The following UTP20 variants were observed in gnomAD, a reference collection of about 807,000 sequenced individuals.
UTP20 encodes UTP20 small subunit processome component.
In UTP20, 164 loss-of-function variants were observed where a neutral mutation model predicts 329.5. That is an observed-to-expected ratio of 0.50 (90% CI 0.44 to 0.57). UTP20 has a LOEUF of 0.57. UTP20 is among the 20% of genes least tolerant of loss of function. The pLI is 0.00. For missense variants in UTP20, 3,055 were observed against 3,284.2 expected (o/e 0.93, Z 1.71); for synonymous variants, 1,151 against 1,159.3 (o/e 0.99, Z 0.14).
intron 45 of UTP20, among the ~76,000 whole-genome samples, chr12:101,365,070 GA>G (rs1457880474): frequency 2.1e-5 from 3 of 139,990 alleles, no homozygotes; most frequent in African/African-American, 8.2e-5. Flanking sequence ...ACATTTTGTT[GA>G]TTGTGTGTGT....
At chr12:101,373,974 G>A (rs1366781145) in intron 54 of UTP20, among the ~76,000 whole-genome samples, 9 of 152,282 alleles carry the variant, frequency 5.9e-5, no homozygotes, top group South Asian at 4.2e-4. Flanking sequence ...GGTGGCTCAC[G>A]CCTGTAATCC....
intron 47 of UTP20, among the ~76,000 whole-genome samples, chr12:101,367,155 C>T (rs1032343533): frequency 2.6e-5 from 4 of 151,864 alleles, no homozygotes; most frequent in East Asian, 1.9e-4. Context: ...CATGATGGCA[C>T]GTACCTGTAG....
At chr12:101,365,841 T>C (rs535529981) in intron 46 of UTP20, among the ~76,000 whole-genome samples, 44 of 152,360 alleles carry the variant, frequency 2.9e-4, no homozygotes, top group Middle Eastern at 3.4e-3. Context: ...TCTGATACCA[T>C]TTTTTAAAAA....
intron 15 of UTP20, among the ~76,000 whole-genome samples, chr12:101,304,413 A>T (rs550323644): frequency 6.6e-6 from 1 of 152,372 alleles, no homozygotes; most frequent in South Asian, 2.1e-4. Flanking sequence ...GTAATAAACA[A>T]TTGCATTGAT....
intron 22 of UTP20, among the ~76,000 whole-genome samples, chr12:101,318,168 ACT>A (rs1306371687): frequency 6.6e-6 from 1 of 151,654 alleles, no homozygotes; most frequent in African/African-American, 2.4e-5. Context: ...CTGTTGTTAT[ACT>A]CTCTTTCTTA....
intron 25 of UTP20, 21 bp downstream of exon 25, chr12:101,321,650 C>A: frequency 6.2e-7 from 1 of 1,607,572 alleles, no homozygotes; most frequent in Non-Finnish European, 8.5e-7. Flanking sequence ...TGTTCAAACA[C>A]TGATTTTTAA....
chr12:101,325,994 A>G (rs1008333923), intron 25 of UTP20, among the ~76,000 whole-genome samples: 1 of 152,260 alleles, frequency 6.6e-6, no homozygotes, highest in African/African-American at 2.4e-5. Context: ...ACATTTCTGC[A>G]TAACTTAGTA....
intron 4 of UTP20, among the ~76,000 whole-genome samples, chr12:101,286,114 T>G (rs1283316843): frequency 1.3e-5 from 2 of 152,226 alleles, no homozygotes; most frequent in Non-Finnish European, 2.9e-5. Context: ...TAGGAACAGT[T>G]GGCTACAACT....
At chr12:101,329,199 T>TA in intron 26 of UTP20, 42 bp from the exon 27 acceptor site, 1 of 1,513,914 alleles carries the variant, frequency 6.6e-7, no homozygotes, top group South Asian at 1.1e-5. Flanking sequence ...AACAAACTAA[T>TA]ATGTTACCTT....
At chr12:101,334,277 ACTTTTT>A (rs1868862790) in intron 28 of UTP20, 142 bp from the exon 29 acceptor site, 5 of 631,728 alleles carry the variant, frequency 7.9e-6, no homozygotes, top group Non-Finnish European at 1.3e-5. Flanking sequence ...ATCTCTTTAT[ACTTTTT>A]CTTATTGTGT....
intron 18 of UTP20, 62 bp from the exon 19 acceptor site, chr12:101,309,701 A>G (rs1872728297): frequency 5.9e-6 from 9 of 1,513,846 alleles, no homozygotes; most frequent in Non-Finnish European, 9.1e-7. Context: ...TTTGCATTTC[A>G]GTACTTCTGT....
intron 17 of UTP20, 98 bp from the exon 18 acceptor site, chr12:101,308,087 C>A: frequency 9.6e-7 from 1 of 1,044,408 alleles, no homozygotes; most frequent in African/African-American, 1.7e-5. Context: ...TAACATATTC[C>A]AGTTTTTCTA....
intron 18 of UTP20, among the ~76,000 whole-genome samples, chr12:101,309,121 C>G (rs1214120356): frequency 1.3e-5 from 2 of 152,134 alleles, no homozygotes; most frequent in African/African-American, 4.8e-5. Context: ...CAAAAGGAGG[C>G]ATTCTCCCTT....
At chr12:101,311,390 C>T (rs1872785142) in intron 19 of UTP20, among the ~76,000 whole-genome samples, 1 of 152,170 alleles carries the variant, frequency 6.6e-6, no homozygotes, top group Admixed American at 6.5e-5. Context: ...TGACTTTTCT[C>T]TCCAGAGGGC....
Position 101,342,461 on chromosome 12 carries a change from A to G in UTP20, c.4117A>G (p.Ile1373Val), listed in dbSNP as rs753191987. 5 of 1,608,040 alleles carry G rather than the reference A, an allele frequency of 3.1e-6. No individual in the cohort carries two copies. In the South Asian group the frequency reaches 5.6e-5, roughly 18 times the overall value. Residue 1373 changes from isoleucine (I) to valine (V), a missense_variant, in exon 33 of 62, where the codon ATT becomes GTT. Physicochemically the swap from Ile to Val is conservative, Grantham distance 29. Coordinates refer to ENST00000261637, the MANE Select transcript of UTP20 (RefSeq NM_014503.3). ...TCTTCTCAAGGATACAGAGGTTGATATTCTGGTGACAGTACAAAACTTGTT... is the reference window on the plus strand; with the variant it reads ...TCTTCTCAAGGATACAGAGGTTGATGTTCTGGTGACAGTACAAAACTTGTT... ...GNIAEDTEVDILVTVQNLLKH... is the reference protein window; with the variant it reads ...GNIAEDTEVDVLVTVQNLLKH...
rs562279169 is a variant in UTP20, at chr12:101,280,247, C to T, written c.-36C>T. ...CTGTCGGTTGCATCCCTTCGACACT[C>T]CCGAGGCCGTCGCGGGCCACTGGCC... On this transcript the variant is annotated 5_prime_UTR_variant, in exon 1 of 62. Transcript: ENST00000261637. The T allele has an allele frequency of 6.7e-5, 104 of 1,551,624 alleles. 2 individuals are homozygous for T. The Admixed American group carries it at 2.0e-3, about 30-fold the overall frequency.
At chr12:101,320,793 T>A in intron 23 of UTP20, 59 bp from the exon 24 acceptor site, 1 of 1,416,530 alleles carries the variant, frequency 7.1e-7, no homozygotes, top group Non-Finnish European at 9.5e-7. Context: ...ACAAGTAAAT[T>A]GCTATCCTAT....
At chr12:101,284,186 G>A (rs1217648576) in intron 2 of UTP20, among the ~76,000 whole-genome samples, 1 of 152,072 alleles carries the variant, frequency 6.6e-6, no homozygotes, top group Non-Finnish European at 1.5e-5. Context: ...TATGGATCCT[G>A]TCACCCAGGT....
intron 29 of UTP20, among the ~76,000 whole-genome samples, chr12:101,336,535 G>A (rs1868939693): frequency 2.0e-5 from 3 of 152,148 alleles, no homozygotes; most frequent in Admixed American, 6.6e-5. Context: ...AGTCAAAACA[G>A]CCAATGTAAG....
Sources: gnomAD v4.1 joint callset for allele counts (sites outside exome capture counted in the v4.1 genomes callset) on GRCh38, gnomAD v4.1.1 for gene constraint, MANE v1.5 for transcripts, NCBI Gene and HGNC (gene_info 2026-07-23, HGNC 2026-07-21) for gene names.